UNC13C: variants seen among roughly 807,000 people sequenced by gnomAD.
UNC13C encodes the protein protein unc-13 homolog C.
Under a neutral mutation model 245.4 loss-of-function variants are expected in UNC13C, and 174 were observed. That is an observed-to-expected ratio of 0.71 (90% confidence interval 0.63 to 0.80). The LOEUF is 0.80. Ranked by LOEUF, UNC13C falls within the 30% of genes least tolerant of loss-of-function variation. The pLI is 0.00. For synonymous variants in UNC13C, 992 were observed against 895.1 expected, an observed-to-expected ratio of 1.11 and a Z score of -1.93; for missense variants, 2,829 against 2,602.9, an observed-to-expected ratio of 1.09 and a Z score of -1.89.
chr15:54,627,207 T>C lies in UNC13C; in HGVS notation c.*94T>C. ...GAATGTTTAGTTCACTACATTTCAATGTTTGCCAGTACTCATGTACGATGT... is the reference window on the plus strand; with the variant it reads ...GAATGTTTAGTTCACTACATTTCAACGTTTGCCAGTACTCATGTACGATGT... On this transcript the variant is annotated 3_prime_UTR_variant, in exon 33 of 33. Transcript: ENST00000260323. 3.1e-6 allele frequency: 4 copies of C among 1,270,726 alleles called. No individual in the cohort carries two copies. The highest frequency in any genetic ancestry group is 4.3e-6 in the Non-Finnish European group (4 of 935,596). 78.7% of individuals were successfully genotyped at this position (1,270,726 alleles called of 1,614,324 possible).
Position 54,111,002 on chromosome 15 carries a change from T to C in UNC13C, c.2984-32016T>C, listed in dbSNP as rs1259275424. On this transcript the variant is annotated intron_variant, in intron 2 of 32. Transcript: ENST00000260323. ...CAAAAGTTAGCCCCATACCAGTCGATTACTCTTATTCTTCCAACTGTTAGA... is the reference window on the plus strand; with the variant it reads ...CAAAAGTTAGCCCCATACCAGTCGACTACTCTTATTCTTCCAACTGTTAGA... Among the ~76,000 whole-genome samples the C allele has an allele frequency of 3.3e-5, 5 of 152,330 alleles. No individual in the cohort carries two copies. The East Asian group carries it at 9.6e-4, about 29-fold the overall frequency.
At chr15:54,373,013 C>T (rs1313904825) in intron 17 of UNC13C, among the ~76,000 whole-genome samples, 1 of 152,168 alleles carries the variant, frequency 6.6e-6, no homozygotes, top group Non-Finnish European at 1.5e-5. Context: ...GAGGTAGAAG[C>T]TGACTCAGCC....
intron 1 of UNC13C, among the ~76,000 whole-genome samples, chr15:53,984,518 T>C (rs1185373059): frequency 6.6e-6 from 1 of 152,172 alleles, no homozygotes; most frequent in Admixed American, 6.5e-5. Context: ...ACTTAAAATT[T>C]CTGCATCTGA....
downstream of UNC13C, chr15:54,633,122 G>T (rs1042673786): frequency 6.6e-6 from 1 of 151,994 alleles, no homozygotes; most frequent in Non-Finnish European, 1.5e-5. Context: ...ACGAGATCAC[G>T]CCATTGCACT....
chr15:54,591,199 A>G (rs1265011459), intron 30 of UNC13C, among the ~76,000 whole-genome samples: 1 of 152,160 alleles, frequency 6.6e-6, no homozygotes, highest in East Asian at 1.9e-4. Flanking sequence ...GTTAGCAAGT[A>G]TTTTGTTAAG....
intron 2 of UNC13C, among the ~76,000 whole-genome samples, chr15:54,030,831 C>A (rs73415090): frequency 0.016 from 2,502 of 152,262 alleles, 78 homozygotes; most frequent in African/African-American, 0.058. Context: ...AAGGGATGAA[C>A]TATCTTTATT....
At chr15:54,360,345 G>A (rs1473200014) in intron 17 of UNC13C, among the ~76,000 whole-genome samples, 1 of 151,970 alleles carries the variant, frequency 6.6e-6, no homozygotes, top group Non-Finnish European at 1.5e-5. Context: ...GTTTAACTTT[G>A]ATATTTCTTT....
At chr15:54,606,193 C>T (rs1285870324) in intron 30 of UNC13C, among the ~76,000 whole-genome samples, 2 of 152,166 alleles carry the variant, frequency 1.3e-5, no homozygotes, top group African/African-American at 2.4e-5. Flanking sequence ...TTCTATATTA[C>T]ATTTCTCTGA....
At chr15:54,315,177 A>G (rs1391756645) in intron 13 of UNC13C, among the ~76,000 whole-genome samples, 2 of 151,752 alleles carry the variant, frequency 1.3e-5, no homozygotes, top group African/African-American at 2.4e-5. Context: ...AGAGAAAATC[A>G]AAACTCCTTG....
rs374658755 is a variant in UNC13C, at chr15:54,389,858, A to G, written c.4714-3190A>G. Among the ~76,000 whole-genome samples, 4 of 152,082 alleles carry G rather than the reference A, an allele frequency of 2.6e-5. No homozygotes were observed. The East Asian group carries it at 7.8e-4, about 29-fold the overall frequency. The stretch of plus-strand genomic sequence containing the variant: ...ATTCTCCTGCCTCAGCCTCCCAAGT[A>G]GCCGGGACTACAGGCATGTGCCACC... On this transcript the variant is annotated intron_variant, in intron 17 of 32. Transcript: ENST00000260323.
At chr15:54,004,203 A>G (rs967609482) in intron 1 of UNC13C, among the ~76,000 whole-genome samples, 1 of 151,998 alleles carries the variant, frequency 6.6e-6, no homozygotes, top group African/African-American at 2.4e-5. Flanking sequence ...TCTACTTTCT[A>G]TCTCCATGAG....
intron 8 of UNC13C, among the ~76,000 whole-genome samples, chr15:54,250,852 G>A (rs1235166729): frequency 1.4e-5 from 2 of 146,228 alleles, no homozygotes; most frequent in Non-Finnish European, 3.0e-5. Flanking sequence ...TGCCTCCTGG[G>A]TTCACGCCAT....
At chr15:54,532,100 T>C (rs1317315720) in intron 25 of UNC13C, among the ~76,000 whole-genome samples, 1 of 152,188 alleles carries the variant, frequency 6.6e-6, no homozygotes, top group African/African-American at 2.4e-5. Context: ...GGGTTTGTTA[T>C]ACACATTATA....
At chr15:54,159,712 G>A (rs183768637) in intron 4 of UNC13C, among the ~76,000 whole-genome samples, 1 of 152,164 alleles carries the variant, frequency 6.6e-6, no homozygotes, top group Non-Finnish European at 1.5e-5. Context: ...TGGCACAAAA[G>A]GATTTTGAAG....
At chr15:54,117,280 T>C (rs2030320236) in intron 2 of UNC13C, among the ~76,000 whole-genome samples, 1 of 152,146 alleles carries the variant, frequency 6.6e-6, no homozygotes, top group Non-Finnish European at 1.5e-5. Flanking sequence ...TTTACCTTGA[T>C]GTAACCCAAT....
At chr15:53,928,518 TGGCCAGTTTTGG>T in the UNC13C span, among the ~76,000 whole-genome samples, 6 of 152,202 alleles carry the variant, frequency 3.9e-5, no homozygotes, top group African/African-American at 1.4e-4. Flanking sequence ...ATTTTGTTTA[TGGCCAGTTTTGG>T]GGCCAGTTTA....
intron 8 of UNC13C, among the ~76,000 whole-genome samples, chr15:54,256,043 T>C (rs2036271223): frequency 6.6e-6 from 1 of 152,224 alleles, no homozygotes; most frequent in African/African-American, 2.4e-5. Context: ...TGCATGTTTT[T>C]TCATAGTATT....
chr15:54,588,153 C>T (rs1432774550), intron 30 of UNC13C, among the ~76,000 whole-genome samples: 1 of 152,190 alleles, frequency 6.6e-6, no homozygotes, highest in Non-Finnish European at 1.5e-5. Context: ...TCTTTGTTAA[C>T]CTTGGCTTCT....
At chr15:54,122,999 G>T (rs2030782610) in intron 2 of UNC13C, among the ~76,000 whole-genome samples, 1 of 151,966 alleles carries the variant, frequency 6.6e-6, no homozygotes, top group East Asian at 1.9e-4. Context: ...GCAAACGTAT[G>T]TTTAAATTTT....
Sources: allele counts gnomAD v4.1 joint callset (sites outside exome capture counted in the v4.1 genomes callset), GRCh38; gene constraint gnomAD v4.1.1; transcripts MANE v1.5; gene names NCBI Gene and HGNC (gene_info 2026-07-23, HGNC 2026-07-21).